Variants in NAALADL2 observed in about 807,000 individuals in gnomAD.
NAALADL2 encodes the protein inactive N-acetylated-alpha-linked acidic dipeptidase-like protein 2.
In NAALADL2, 76 loss-of-function variants were observed where a neutral mutation model predicts 87.2. The ratio of observed to expected loss-of-function variants is 0.87; its 90% CI spans 0.72 to 1.05. The LOEUF (loss-of-function observed/expected upper bound fraction) is 1.05. Ranked by LOEUF, NAALADL2 falls within the 50% of genes least tolerant of loss-of-function variation. The pLI is 0.00. For missense variants in NAALADL2, 1,089 were observed against 945.8 expected (o/e 1.15, Z -1.99); for synonymous variants, 354 against 331.0 (o/e 1.07, Z -0.75).
At chr3:175,552,037 T>C (rs1714482174) in intron 9 of NAALADL2, among the ~76,000 whole-genome samples, 1 of 152,136 alleles carries the variant, frequency 6.6e-6, no homozygotes, top group Non-Finnish European at 1.5e-5. Context: ...TTATATTATC[T>C]AATTTCTTGG....
At chr3:174,793,607 G>A (rs1717719416) in intron 3 of NAALADL2, among the ~76,000 whole-genome samples, 2 of 152,094 alleles carry the variant, frequency 1.3e-5, no homozygotes, top group Admixed American at 1.3e-4. Flanking sequence ...ATCCTTGGCT[G>A]TGTCATCAGA....
At chr3:175,362,329 A>C in intron 5 of NAALADL2, among the ~76,000 whole-genome samples, 1 of 148,040 alleles carries the variant, frequency 6.8e-6, no homozygotes, top group Non-Finnish European at 1.5e-5. Flanking sequence ...CTTTTGGCTT[A>C]GGATTGTCTT....
chr3:174,691,990 G>A (rs569761174), intron 2 of NAALADL2: 1 of 152,260 alleles, frequency 6.6e-6, no homozygotes, highest in African/African-American at 2.4e-5. Context: ...TTCCTCTGAA[G>A]TCTTGAAACA....
chr3:174,522,487 T>C (rs997543236), intron 1 of NAALADL2, among the ~76,000 whole-genome samples: 4 of 151,574 alleles, frequency 2.6e-5, no homozygotes, highest in Non-Finnish European at 5.9e-5. Context: ...ATAGACTTCA[T>C]CTCTCCAAAA....
chr3:175,658,664 G>A (rs1056743865), intron 11 of NAALADL2, among the ~76,000 whole-genome samples: 4 of 152,078 alleles, frequency 2.6e-5, no homozygotes, highest in African/African-American at 9.7e-5. Flanking sequence ...GATATGTATT[G>A]TTCCTCAAAT....
chr3:174,561,908 C>T (rs528884813), intron 2 of NAALADL2, among the ~76,000 whole-genome samples: 41 of 152,190 alleles, frequency 2.7e-4, no homozygotes, highest in African/African-American at 7.9e-4. Flanking sequence ...AAGTGCATTT[C>T]GGAAATTTTA....
intron 4 of NAALADL2, among the ~76,000 whole-genome samples, chr3:175,319,784 C>A (rs1437726220): frequency 1.3e-5 from 2 of 152,144 alleles, no homozygotes; most frequent in East Asian, 1.9e-4. Context: ...TGCACCACTG[C>A]AATCCAGCCT....
chr3:174,895,917 CAT>C (rs1391010330), intron 1 of NAALADL2, among the ~76,000 whole-genome samples: 6 of 152,014 alleles, frequency 3.9e-5, no homozygotes, highest in Admixed American at 3.9e-4. Flanking sequence ...TGTGATACAT[CAT>C]ATCAACAGAA....
chr3:174,599,944 G>T (rs974426057), intron 2 of NAALADL2, among the ~76,000 whole-genome samples: 1 of 152,074 alleles, frequency 6.6e-6, no homozygotes, highest in African/African-American at 2.4e-5. Context: ...AATAAGGAAA[G>T]AAATGTTTAC....
intron 2 of NAALADL2, among the ~76,000 whole-genome samples, chr3:174,656,126 A>C (rs1724893823): frequency 6.6e-6 from 1 of 152,236 alleles, no homozygotes; most frequent in South Asian, 2.1e-4. Flanking sequence ...TAACTGAGCA[A>C]ACATTTTATA....
chr3:174,523,216 T>C (rs891500908), intron 1 of NAALADL2, among the ~76,000 whole-genome samples: 1 of 152,162 alleles, frequency 6.6e-6, no homozygotes, highest in African/African-American at 2.4e-5. Flanking sequence ...CATTAACTTG[T>C]AGACACCTAA....
chr3:175,243,590 G>A (rs1408209128), intron 3 of NAALADL2, among the ~76,000 whole-genome samples: 1 of 120,044 alleles, frequency 8.3e-6, no homozygotes, highest in Non-Finnish European at 1.6e-5. Flanking sequence ...GCATACAGCT[G>A]CCCAGCGTTC....
intron 1 of NAALADL2, among the ~76,000 whole-genome samples, chr3:174,881,802 G>A (rs1007718081): frequency 3.3e-5 from 5 of 152,000 alleles, no homozygotes; most frequent in African/African-American, 9.7e-5. Flanking sequence ...TAGAAATCTG[G>A]GTCGGATAAG....
At chr3:175,191,049 G>A (rs1030420670) in intron 2 of NAALADL2, among the ~76,000 whole-genome samples, 1 of 151,442 alleles carries the variant, frequency 6.6e-6, no homozygotes. Flanking sequence ...GAAATTAAAT[G>A]TGTAACACAA....
chr3:175,800,534 C>G (rs943693689), intron 13 of NAALADL2, among the ~76,000 whole-genome samples: 1 of 152,048 alleles, frequency 6.6e-6, no homozygotes, highest in Non-Finnish European at 1.5e-5. Context: ...AATAATCTCT[C>G]TATTCAAGAA....
At chr3:175,414,068 G>C (rs750601960) in intron 5 of NAALADL2, among the ~76,000 whole-genome samples, 3 of 152,134 alleles carry the variant, frequency 2.0e-5, no homozygotes, top group Non-Finnish European at 4.4e-5. Context: ...CTAAATGGCT[G>C]TAAGGCCTAG....
chr3:175,654,049 T>A (rs1278746688), intron 11 of NAALADL2, among the ~76,000 whole-genome samples: 1 of 152,218 alleles, frequency 6.6e-6, no homozygotes, highest in Non-Finnish European at 1.5e-5. Context: ...CTGATTGTTG[T>A]ACAATCAAAA....
chr3:174,815,657 A>G (rs1397860697), intron 3 of NAALADL2, among the ~76,000 whole-genome samples: 1 of 152,158 alleles, frequency 6.6e-6, no homozygotes, highest in African/African-American at 2.4e-5. Context: ...ATATTTGTCT[A>G]AGCCACAGGA....
chr3:174,887,424 A>G (rs9815798), intron 1 of NAALADL2, among the ~76,000 whole-genome samples: 33,340 of 152,128 alleles, frequency 0.22, 3,727 homozygotes, highest in East Asian at 0.3. Context: ...GTCACCATAT[A>G]CATTCTTCAA....
Sources: gnomAD v4.1 joint callset for allele counts (sites outside exome capture counted in the v4.1 genomes callset) on GRCh38, gnomAD v4.1.1 for gene constraint, MANE v1.5 for transcripts, NCBI Gene and HGNC (gene_info 2026-07-23, HGNC 2026-07-21) for gene names.